Variants in COL24A1 observed in about 807,000 individuals in gnomAD.
The protein encoded by COL24A1 is collagen type XXIV alpha 1 chain, also known as collagen alpha-1(XXIV) chain.
Under a neutral mutation model 253.9 loss-of-function variants are expected in COL24A1, and 224 were observed. That is an observed-to-expected ratio of 0.88 (90% CI 0.79 to 0.99). The LOEUF is 0.99. Ranked by LOEUF, COL24A1 falls within the 50% of genes least tolerant of loss-of-function variation. The probability of loss-of-function intolerance (pLI) is 0.00; values close to 1 mark genes in which losing one functional copy is unlikely to be tolerated. For synonymous variants in COL24A1, 685 were observed against 673.7 expected (o/e 1.02, Z -0.26); for missense variants, 2,131 against 2,068.5 (o/e 1.03, Z -0.59).
rs1348537325 is a variant in COL24A1 at position 85,970,254 on chromosome 1, A to C, written c.2436T>G (p.Ile812Met). Residue 812 changes from isoleucine to methionine, a missense_variant, in exon 22 of 60, where the codon ATT becomes ATG. Ile to Met is a conservative substitution (Grantham distance 10). Transcript: ENST00000370571. ...TTGGCCCCAGTTCCCCAAAGGCTCCAATTGGTCCTTCTTCTCCCTTAAAAA... is the reference window on the plus strand; with the variant it reads ...TTGGCCCCAGTTCCCCAAAGGCTCCCATTGGTCCTTCTTCTCCCTTAAAAA... ...LKGTQGEEGP[I>M]GAFGELGPRG... is the part of the protein sequence containing the mutation. 1 of 1,597,654 alleles carries C rather than the reference A, an allele frequency of 6.3e-7. No homozygotes were observed. The highest frequency in any genetic ancestry group is 8.5e-7 in the Non-Finnish European group (1 of 1,172,982).
chr1:86,020,061 CTTTT>C (rs10582249), intron 18 of COL24A1, among the ~76,000 whole-genome samples: 5 of 102,594 alleles, frequency 4.9e-5, no homozygotes, highest in Non-Finnish European at 9.8e-5. Context: ...TTCATTCTTT[CTTTT>C]TTTTTTTTTT....
At chr1:86,111,775 G>A (rs147934213) in intron 5 of COL24A1, among the ~76,000 whole-genome samples, 3,738 of 152,202 alleles carry the variant, frequency 0.025, 52 homozygotes, top group Middle Eastern at 0.048. Context: ...GCGAGACCAC[G>A]AACCCACCGG....
intron 47 of COL24A1, among the ~76,000 whole-genome samples, chr1:85,810,796 C>A (rs1672455001): frequency 6.6e-6 from 1 of 152,150 alleles, no homozygotes; most frequent in East Asian, 1.9e-4. Flanking sequence ...TGAATAGGTT[C>A]CAGCACCATG....
At position 85,965,074 on chromosome 1, in the gene COL24A1, C is replaced by T. The variant is rs770081291; in HGVS notation, c.2464-12G>A. The stretch of plus-strand genomic sequence containing the variant: ...TGACCTGGTTTTCCCTAGAAGAGAA[C>T]AGCATAAAAGAAGAAAGTATATATG... On this transcript the variant is annotated splice_polypyrimidine_tract_variant and intron_variant, in intron 22 of 59. Transcript: ENST00000370571. The T allele has an allele frequency of 6.2e-7, 1 of 1,602,452 alleles. No individual in the cohort carries two copies. Among genetic ancestry groups the T allele is most frequent in the South Asian group, 1.1e-5 (1 of 88,274 alleles).
intron 39 of COL24A1, 54 bp downstream of exon 39, chr1:85,847,611 A>G: frequency 8.0e-7 from 1 of 1,250,570 alleles, no homozygotes; most frequent in Non-Finnish European, 1.2e-6. Context: ...GGGCATGGAT[A>G]CGTTTCTTTC....
intron 24 of COL24A1, among the ~76,000 whole-genome samples, chr1:85,935,173 A>AGG (rs1401761598): frequency 4.0e-4 from 60 of 149,054 alleles, no homozygotes; most frequent in South Asian, 2.1e-3. Context: ...GAAACTAAAA[A>AGG]ATTTTTAAAC....
At chr1:85,788,562 A>C (rs1170009567) in intron 47 of COL24A1, among the ~76,000 whole-genome samples, 1 of 152,106 alleles carries the variant, frequency 6.6e-6, no homozygotes, top group African/African-American at 2.4e-5. Context: ...GAAGCTCTTT[A>C]GTTTAATTAG....
At chr1:86,014,417 A>G (rs1410161231) in intron 19 of COL24A1, among the ~76,000 whole-genome samples, 1 of 152,138 alleles carries the variant, frequency 6.6e-6, no homozygotes, top group African/African-American at 2.4e-5. Flanking sequence ...CATCTGTTAC[A>G]TTGCTTCATC....
chr1:86,115,908 C>G (rs1706092833), intron 3 of COL24A1, among the ~76,000 whole-genome samples: 1 of 151,984 alleles, frequency 6.6e-6, no homozygotes, highest in Non-Finnish European at 1.5e-5. Context: ...AATTGCAGCA[C>G]ACCAGGAAGT....
chr1:86,003,107 A>G (rs997397148), intron 19 of COL24A1, among the ~76,000 whole-genome samples: 1 of 152,172 alleles, frequency 6.6e-6, no homozygotes, highest in East Asian at 1.9e-4. Flanking sequence ...GCAGTGAGAG[A>G]AACAAATGCT....
chr1:86,052,260 A>AT (rs557047979), intron 10 of COL24A1, among the ~76,000 whole-genome samples: 31 of 152,272 alleles, frequency 2.0e-4, no homozygotes, highest in African/African-American at 5.8e-4. Context: ...GAATTCAAGC[A>AT]TTAAAAAAGT....
intron 18 of COL24A1, among the ~76,000 whole-genome samples, chr1:86,020,995 C>T (rs1697478802): frequency 6.6e-6 from 1 of 152,054 alleles, no homozygotes; most frequent in Admixed American, 6.6e-5. Context: ...CGAATAGATG[C>T]CAAAAATTGT....
chr1:85,730,295 A>G lies in COL24A1; in HGVS notation c.*251T>C, dbSNP rs923475466. 278 of 291,382 alleles carry G rather than the reference A, an allele frequency of 9.5e-4. No homozygotes were observed. The highest frequency in any genetic ancestry group is 5.4e-4 in the Non-Finnish European group (84 of 156,196). 18.0% of individuals were successfully genotyped at this position (291,382 alleles called of 1,614,324 possible). A position where few individuals can be genotyped will look rare whatever the true frequency, so the allele number is the denominator to read the frequency against. On this transcript the variant is annotated 3_prime_UTR_variant, in exon 60 of 60. Coordinates refer to ENST00000370571, the MANE Select transcript of COL24A1 (RefSeq NM_152890.7). ...AAGAATTCCATATTTATAAATTTTTAGTTCTAGGGAATTCTCTAAGAAAGC... is the reference window on the plus strand; with the variant it reads ...AAGAATTCCATATTTATAAATTTTTGGTTCTAGGGAATTCTCTAAGAAAGC...
In COL24A1 at chr1:86,059,278, G is replaced by A. The variant is rs553576408; in HGVS notation, c.1753-104C>T. The A allele has an allele frequency of 7.7e-5, 58 of 752,814 alleles. No individual in the cohort carries two copies. The African/African-American group carries it at 8.8e-4, about 11-fold the overall frequency. 46.6% of individuals were successfully genotyped at this position (752,814 alleles called of 1,614,324 possible). A position where few individuals can be genotyped will look rare whatever the true frequency, so the allele number is the denominator to read the frequency against. On this transcript the variant is annotated intron_variant, in intron 8 of 59. Transcript: ENST00000370571. ...AAATAATTTTTCCCCATAAAAATACGGAGTCCTACACATGGCTTATGTAAC... is the reference window on the plus strand; with the variant it reads ...AAATAATTTTTCCCCATAAAAATACAGAGTCCTACACATGGCTTATGTAAC...
intron 18 of COL24A1, among the ~76,000 whole-genome samples, chr1:86,021,511 A>G (rs1697535977): frequency 6.6e-6 from 1 of 152,116 alleles, no homozygotes; most frequent in Middle Eastern, 3.2e-3. Flanking sequence ...ACTGTGTCTC[A>G]ATTTTCTTAA....
intron 28 of COL24A1, among the ~76,000 whole-genome samples, chr1:85,900,696 T>A (rs1337082484): frequency 1.3e-5 from 2 of 152,064 alleles, no homozygotes; most frequent in African/African-American, 4.8e-5. Flanking sequence ...AACAGCATGG[T>A]ACTAGTATAA....
intron 38 of COL24A1, among the ~76,000 whole-genome samples, chr1:85,848,948 C>A (rs1283636940): frequency 6.6e-6 from 1 of 151,980 alleles, no homozygotes; most frequent in Admixed American, 6.6e-5. Flanking sequence ...AAAAATAAAA[C>A]CAACTTAGAA....
At chr1:85,756,004 G>A (rs539119219) in intron 55 of COL24A1, among the ~76,000 whole-genome samples, 73 of 125,052 alleles carry the variant, frequency 5.8e-4, no homozygotes, top group Middle Eastern at 6.3e-3. Context: ...TGTCTTTCTG[G>A]TAAAGGATTA....
chr1:86,070,335 G>C (rs890062514), intron 7 of COL24A1, among the ~76,000 whole-genome samples: 1 of 152,108 alleles, frequency 6.6e-6, no homozygotes, highest in African/African-American at 2.4e-5. Context: ...CTACAAGATG[G>C]AAAACAGCCT....
Sources: gnomAD v4.1 joint callset for allele counts (sites outside exome capture counted in the v4.1 genomes callset) on GRCh38, gnomAD v4.1.1 for gene constraint, MANE v1.5 for transcripts, NCBI Gene and HGNC (gene_info 2026-07-23, HGNC 2026-07-21) for gene names.